Variants in USP36 observed in about 807,000 individuals in gnomAD.
The protein encoded by USP36 is ubiquitin specific peptidase 36.
Under a neutral mutation model 111.5 loss-of-function variants are expected in USP36, and 59 were observed. The ratio of observed to expected loss-of-function variants is 0.53; its 90% CI spans 0.43 to 0.66. The LOEUF is 0.66. USP36 is among the 30% of genes least tolerant of loss of function. The pLI is 0.00. For missense variants in USP36, 1,488 were observed against 1,468.0 expected (o/e 1.01, Z -0.22); for synonymous variants, 628 against 581.0 (o/e 1.08, Z -1.16).
At chr17:78,788,386 A>G (rs1359801005) in intron 3 of USP36, among the ~76,000 whole-genome samples, 1 of 152,154 alleles carries the variant, frequency 6.6e-6, no homozygotes, top group Non-Finnish European at 1.5e-5. Flanking sequence ...GATGGTCTCA[A>G]TCTCTTGACC....
intron 12 of USP36, 50 bp downstream of exon 12, chr17:78,813,723 G>GAA: frequency 6.4e-7 from 1 of 1,553,614 alleles, no homozygotes; most frequent in East Asian, 2.3e-5. Flanking sequence ...ACCGGTATAA[G>GAA]AAAAGAGCAG....
intron 6 of USP36, among the ~76,000 whole-genome samples, chr17:78,822,232 C>T (rs1363604030): frequency 3.3e-5 from 5 of 152,184 alleles, no homozygotes; most frequent in African/African-American, 1.2e-4. Context: ...CCCACAGTAG[C>T]CATTTCAAAC....
intron 3 of USP36, 22 bp from the exon 4 acceptor site, chr17:78,835,523 G>C: frequency 6.4e-7 from 1 of 1,569,596 alleles, no homozygotes; most frequent in Middle Eastern, 1.7e-4. Context: ...AGGGACAAGG[G>C]AAGAAAAGAG....
In USP36 at chr17:78,803,398, G is replaced by A; in HGVS notation, c.2797C>T (p.Pro933Ser). The change falls in exon 16 of 21, where the codon CCA becomes TCA. Residue 933 changes from proline to serine, a missense_variant. Pro to Ser is a moderately conservative substitution (Grantham distance 74). Around this residue, in one of 3 missense-constraint regions of USP36, gnomAD observed 1,073 missense variants for 994.1 expected, o/e 1.08. Coordinates refer to ENST00000449938, the MANE Select transcript of USP36 (RefSeq NM_001385174.1). The surrounding 1 kb of genome is among the most constrained non-coding windows in gnomAD (Gnocchi z 4.6). ...TCCTGCCCTTACCTGTGCCGAAGTG[G>A]GTCCTGGTGCAGGCCGCCTTCTTCA... ...LGEEGGLHQD[P>S]LRHSCSPMGD... 2 of 1,613,230 alleles carry A rather than the reference G, an allele frequency of 1.2e-6. No individual in the cohort carries two copies. Among genetic ancestry groups the A allele is most frequent in the Non-Finnish European group, 1.7e-6 (2 of 1,179,422 alleles).
At chr17:78,815,247 G>A (rs1368316166) in intron 10 of USP36, among the ~76,000 whole-genome samples, 1 of 151,736 alleles carries the variant, frequency 6.6e-6, no homozygotes, top group East Asian at 2.0e-4. Context: ...CAGGAGAATC[G>A]CTTGAAACCA....
At chr17:78,818,846 G>A (rs967163725) in intron 9 of USP36, 68 bp from the exon 10 acceptor site, 12 of 1,530,388 alleles carry the variant, frequency 7.8e-6, no homozygotes, top group Admixed American at 6.8e-5. Flanking sequence ...TTGTCTTAAC[G>A]CTAAGTTAAT....
At chr17:78,817,062 T>TA (rs2094206130) in intron 10 of USP36, among the ~76,000 whole-genome samples, 1 of 152,210 alleles carries the variant, frequency 6.6e-6, no homozygotes, top group Admixed American at 6.5e-5. Flanking sequence ...AAGATTATAA[T>TA]ACTGCATTTT....
intron 6 of USP36, 123 bp from the exon 7 acceptor site, chr17:78,822,127 C>A: frequency 9.1e-7 from 1 of 1,096,682 alleles, no homozygotes; most frequent in Non-Finnish European, 1.4e-6. Context: ...AACTCCACCC[C>A]CCACCCGAGT....
chr17:78,836,250 C>T lies in USP36; in HGVS notation c.114G>A (p.Gln38=). ...LASSAKKVLL[Q]KIEFEPASKS... ...TGCTGGCTGGCTCGAACTCGATTTTCTGTAAAAGGACCTTCTTGGCAGAGG... is the reference window on the plus strand; with the variant it reads ...TGCTGGCTGGCTCGAACTCGATTTTTTGTAAAAGGACCTTCTTGGCAGAGG... The change falls in exon 3 of 21, where the codon CAG becomes CAA. Residue 38 remains glutamine, a synonymous_variant. Coordinates refer to ENST00000449938, the MANE Select transcript of USP36 (RefSeq NM_001385174.1). 1 of 1,614,150 alleles carries T rather than the reference C, an allele frequency of 6.2e-7. No individual in the cohort carries two copies. Among genetic ancestry groups the T allele is most frequent in the Non-Finnish European group, 8.5e-7 (1 of 1,180,032 alleles).
intron 2 of USP36, 51 bp from the exon 3 acceptor site, chr17:78,836,423 A>G: frequency 1.3e-6 from 2 of 1,586,146 alleles, no homozygotes; most frequent in South Asian, 2.3e-5. Flanking sequence ...ATCCCGGGAC[A>G]AAAACATCTC....
At chr17:78,787,668 A>G (rs987803265) in intron 3 of USP36, 1 of 152,230 alleles carries the variant, frequency 6.6e-6, no homozygotes, top group South Asian at 2.1e-4. Context: ...TCTGTGAGGT[A>G]GAGATTGGGA....
In USP36 at chr17:78,803,832, T is replaced by C. The variant is rs144862820; in HGVS notation, c.2363A>G (p.Asn788Ser). Residue 788 changes from asparagine to serine, a missense_variant, in exon 16 of 21, where the codon AAC (asparagine) becomes AGC (serine). Around this residue, in one of 3 missense-constraint regions of USP36, gnomAD observed 1,073 missense variants for 994.1 expected, o/e 1.08. Transcript: ENST00000449938. This position sits in a 1 kb window ranked among gnomAD's most constrained non-coding sequence, Gnocchi z 4.6. ...SSISTALPQV[N>S]EDLVSLPHQL... ...GTGTGGAAGAGACACAAGGTCCTCG[T>C]TGACCTGAGGCAGCGCCGTCGAGAT... is the stretch of plus-strand genomic sequence containing the variant. The C allele has an allele frequency of 1.1e-5, 18 of 1,612,590 alleles. No individual in the cohort carries two copies. In the African/African-American group the frequency reaches 2.3e-4, roughly 20 times the overall value.
chr17:78,808,197 A>T (rs1280248989), intron 13 of USP36, among the ~76,000 whole-genome samples: 1 of 152,096 alleles, frequency 6.6e-6, no homozygotes, highest in Non-Finnish European at 1.5e-5. Context: ...GTTGCATCCC[A>T]GTTTTATCTT....
intron 8 of USP36, among the ~76,000 whole-genome samples, chr17:78,820,389 A>G (rs2094290772): frequency 6.6e-6 from 1 of 152,162 alleles, no homozygotes; most frequent in African/African-American, 2.4e-5. Flanking sequence ...ACTTAAGCCT[A>G]GAGGTCAACA....
In USP36 at chr17:78,802,447, G is replaced by T. The variant is rs773610087; in HGVS notation, c.2899C>A (p.Arg967=). Residue 967 remains arginine, a synonymous_variant, in exon 17 of 21, where the codon CGG becomes AGG. Coordinates refer to ENST00000449938, the MANE Select transcript of USP36 (RefSeq NM_001385174.1). ...KKKKRKQETQ[R]AVEEDGHLKC... is the part of the protein sequence containing the mutation. ...AGATGCCCATCCTCTTCTACTGCCC[G>T]CTGTGTCTCCTGCTTTCTTTTTTTC... 6.8e-5 allele frequency: 109 copies of T among 1,609,218 alleles called. No homozygotes were observed. Among genetic ancestry groups the T allele is most frequent in the Non-Finnish European group, 8.9e-5 (105 of 1,178,360 alleles).
chr17:78,789,197 C>CAAAA (rs869247026), intron 3 of USP36, among the ~76,000 whole-genome samples: 4 of 65,874 alleles, frequency 6.1e-5, no homozygotes, highest in Admixed American at 2.0e-4. Flanking sequence ...AACTTGGTCC[C>CAAAA]AAAAAAAAAA....
rs1028423346 is a variant in USP36 at position 78,798,772 on chromosome 17, G to C, written c.3240+136C>G. Reference sequence around the variant, plus strand: ...ATGCCCTGTCCATGGCCACACGCCCGGACAGGCCTGGGCAGCCTGGCTCTT... The same window carrying C: ...ATGCCCTGTCCATGGCCACACGCCCCGACAGGCCTGGGCAGCCTGGCTCTT... On this transcript the variant is annotated intron_variant, in intron 19 of 20. Coordinates refer to ENST00000449938, the MANE Select transcript of USP36 (RefSeq NM_001385174.1). This position sits in a 1 kb window ranked among gnomAD's most constrained non-coding sequence, Gnocchi z 5.1. 8.0e-7 allele frequency: 1 copy of C among 1,251,636 alleles called. No homozygotes were observed. The highest frequency in any genetic ancestry group is 1.1e-6 in the Non-Finnish European group (1 of 881,768). 77.5% of individuals were successfully genotyped at this position (1,251,636 alleles called of 1,614,324 possible).
chr17:78,809,119 G>A (rs1187309933), intron 13 of USP36, among the ~76,000 whole-genome samples: 1 of 152,146 alleles, frequency 6.6e-6, no homozygotes, highest in East Asian at 1.9e-4. Context: ...ATTTGAATGA[G>A]ATCTTTTGTT....
intron 13 of USP36, among the ~76,000 whole-genome samples, chr17:78,809,892 G>A (rs2094006708): frequency 6.6e-6 from 1 of 151,624 alleles, no homozygotes; most frequent in South Asian, 2.1e-4. Context: ...TGTCACCCAG[G>A]CTGGAGTGCA....
Sources: allele counts gnomAD v4.1 joint callset (sites outside exome capture counted in the v4.1 genomes callset), GRCh38; gene constraint gnomAD v4.1.1; regional missense constraint gnomAD v4.1.1; non-coding constraint Gnocchi (gnomAD v3.1); transcripts MANE v1.5; gene names NCBI Gene and HGNC (gene_info 2026-07-23, HGNC 2026-07-21).